Variants in LAIR1 observed in about 807,000 individuals in gnomAD.
LAIR1 encodes leukocyte associated immunoglobulin like receptor 1.
A neutral mutation model predicts 32.8 loss-of-function variants in LAIR1; 24 were observed. The ratio of observed to expected loss-of-function variants is 0.73; its 90% CI spans 0.53 to 1.03. The LOEUF is 1.03. Among genes scored for constraint, LAIR1 ranks in the 50% least tolerant of loss-of-function variants. The pLI, the probability that LAIR1 is intolerant of heterozygous loss-of-function variation, is 0.00. For missense variants in LAIR1, 355 were observed against 347.5 expected, an observed-to-expected ratio of 1.02 and a Z score of -0.17; for synonymous variants, 150 against 140.5, an observed-to-expected ratio of 1.07 and a Z score of -0.48.
chr19:54,361,402 T>A (rs1035042666), intron 2 of LAIR1, among the ~76,000 whole-genome samples, 193 bp from the exon 3 acceptor site: 1 of 151,260 alleles, frequency 6.6e-6, no homozygotes, highest in Non-Finnish European at 1.5e-5. Flanking sequence ...CACTGCAGAG[T>A]TTTTTCCCAG....
Position 54,355,485 on chromosome 19 carries a change from G to C in LAIR1, c.718-71C>G, listed in dbSNP as rs1416226074. 8 of 1,394,834 alleles carry C rather than the reference G, an allele frequency of 5.7e-6. No individual in the cohort carries two copies. The highest frequency in any genetic ancestry group is 7.7e-6 in the Non-Finnish European group (8 of 1,032,650). The allele number at this position is 1,394,834 out of a possible 1,614,324, so 86.4% of individuals were successfully genotyped here. A position where few individuals can be genotyped will look rare whatever the true frequency, so the allele number is the denominator to read the frequency against. On this transcript the variant is annotated intron_variant, in intron 9 of 9. Coordinates refer to ENST00000391742, the MANE Select transcript of LAIR1 (RefSeq NM_002287.6). The surrounding 1 kb of genome is among the most constrained non-coding windows in gnomAD (Gnocchi z 4.7). Reference sequence around the variant, plus strand: ...AGACGAGGGGCTGTGGGGAGGGAGGGCTGTGGCGGCCATCTCCATGGGCCC... The same window carrying C: ...AGACGAGGGGCTGTGGGGAGGGAGGCCTGTGGCGGCCATCTCCATGGGCCC...
At position 54,355,028 on chromosome 19, in the gene LAIR1, GA is replaced by G; in HGVS notation, c.*239del. 1 of 408,210 alleles carries G rather than the reference GA, an allele frequency of 2.4e-6. No individual in the cohort carries two copies. Among genetic ancestry groups the G allele is most frequent in the Non-Finnish European group, 4.3e-6 (1 of 230,574 alleles). The allele number at this position is 408,210 out of a possible 1,614,324, so 25.3% of individuals were successfully genotyped here. On this transcript the variant is annotated 3_prime_UTR_variant, in exon 10 of 10. Coordinates refer to ENST00000391742, the MANE Select transcript of LAIR1 (RefSeq NM_002287.6). This position sits in a 1 kb window ranked among gnomAD's most constrained non-coding sequence, Gnocchi z 4.7. ...CCAGGGAACTGTAGCTGGGTCTCTG[GA>G]AATAACTGAGAAACAGTCTGTCCAA...
rs1242276903 is a variant in LAIR1, at chr19:54,353,655, G to C, written c.*1613C>G. 1 of 152,172 alleles carries C rather than the reference G, an allele frequency of 6.6e-6. No individual in the cohort carries two copies. The highest frequency in any genetic ancestry group is 1.5e-5 in the Non-Finnish European group (1 of 68,028). 9.4% of individuals were successfully genotyped at this position (152,172 alleles called of 1,614,324 possible). ...TTGTAGGAGAATTTAATGTGTCCAC[G>C]TTTGCCTAGAACTAAATTAGCAACT... On this transcript the variant is annotated 3_prime_UTR_variant, in exon 10 of 10. Transcript: ENST00000391742.
At chr19:54,357,255 G>C (rs58343747) in intron 4 of LAIR1, 1 of 473,898 alleles carries the variant, frequency 2.1e-6, no homozygotes. Flanking sequence ...GTGACCCCAC[G>C]GGCCTGATGC....
intron 3 of LAIR1, 46 bp downstream of exon 3, chr19:54,360,870 C>T (rs1312976746): frequency 2.3e-5 from 37 of 1,575,112 alleles, no homozygotes; most frequent in Non-Finnish European, 3.1e-5. Flanking sequence ...GGGACAAGCT[C>T]GAGGGTCGAG....
upstream of LAIR1, among the ~76,000 whole-genome samples, chr19:54,366,972 C>A (rs1848577327): frequency 6.6e-6 from 1 of 152,116 alleles, no homozygotes; most frequent in Non-Finnish European, 1.5e-5. Context: ...AGTCCGTTTT[C>A]AGGGGAGGAA....
rs758156418 is a variant in LAIR1 at position 54,361,020 on chromosome 19, C to T, written c.260G>A (p.Arg87His). 45 of 1,614,018 alleles carry T rather than the reference C, an allele frequency of 2.8e-5. No individual in the cohort carries two copies. Among genetic ancestry groups the T allele is most frequent in the South Asian group, 2.2e-4 (20 of 91,078 alleles). The change falls in exon 3 of 10, where the codon CGC (arginine) becomes CAC (histidine). Residue 87 changes from arginine to histidine, a missense_variant. Arg to His is a conservative substitution (Grantham distance 29, BLOSUM62 0). Transcript: ENST00000391742. ...ATTTCCTTCTCTTACTGAGTCAATG[C>T]GGAATCTGGCCTCTGACTCAGATGG... ...ASPSESEARFRIDSVREGNAG... is the reference protein window; with the variant it reads ...ASPSESEARFHIDSVREGNAG...
upstream of LAIR1, among the ~76,000 whole-genome samples, chr19:54,367,004 C>T (rs544578532): frequency 1.6e-4 from 25 of 152,284 alleles, no homozygotes; most frequent in Admixed American, 1.2e-3. Context: ...TGCTGGGCAA[C>T]GACTTGCTGG....
At chr19:54,367,562 C>A (rs897206734), upstream of LAIR1, among the ~76,000 whole-genome samples, 1 of 151,314 alleles carries the variant, frequency 6.6e-6, no homozygotes, top group South Asian at 2.1e-4. Context: ...CTGGCTAACA[C>A]GGTGAAACCC....
intron 2 of LAIR1, among the ~76,000 whole-genome samples, chr19:54,362,855 C>T (rs1472770825): frequency 8.6e-5 from 13 of 151,782 alleles, no homozygotes; most frequent in Non-Finnish European, 1.3e-4. Context: ...CCATATTGAG[C>T]GGCATATGGA....
At chr19:54,357,137 T>G in intron 4 of LAIR1, 171 bp from the exon 5 acceptor site, 2 of 601,400 alleles carry the variant, frequency 3.3e-6, no homozygotes, top group Non-Finnish European at 6.0e-6. Context: ...GGAAACTTTC[T>G]ACATCTACTG....
chr19:54,361,992 A>G (rs1209047532), intron 2 of LAIR1, among the ~76,000 whole-genome samples: 1 of 151,308 alleles, frequency 6.6e-6, no homozygotes, highest in Admixed American at 6.6e-5. Context: ...CGGGGCAGAG[A>G]GCTGGCAGGG....
In LAIR1 at chr19:54,355,806, C is replaced by T. The variant is rs1474630999; in HGVS notation, c.717+148G>A. 1.5e-6 allele frequency: 1 copy of T among 656,288 alleles called. No homozygotes were observed. The highest frequency in any genetic ancestry group is 2.7e-6 in the Non-Finnish European group (1 of 363,672). 40.7% of individuals were successfully genotyped at this position (656,288 alleles called of 1,614,324 possible). A position where few individuals can be genotyped will look rare whatever the true frequency, so the allele number is the denominator to read the frequency against. ...CACGGGAGCCTTCGGATGCACACAG[C>T]CCTGGGCGACCTCTCGACAGCAACC... On this transcript the variant is annotated intron_variant, in intron 9 of 9. Transcript: ENST00000391742. This position sits in a 1 kb window ranked among gnomAD's most constrained non-coding sequence, Gnocchi z 4.7.
chr19:54,366,690 G>A (rs768175639), upstream of LAIR1, among the ~76,000 whole-genome samples: 41 of 151,964 alleles, frequency 2.7e-4, no homozygotes, highest in Non-Finnish European at 5.3e-4. Context: ...GGGTTTCACC[G>A]TGTTAGCCAG....
chr19:54,358,495 A>C, intron 4 of LAIR1: 1 of 1,558,308 alleles, frequency 6.4e-7, no homozygotes, highest in Non-Finnish European at 8.8e-7. Context: ...CTGTATATGC[A>C]TGTATGGGAA....
At chr19:54,371,007 C>A (rs974775629), upstream of LAIR1, among the ~76,000 whole-genome samples, 63 of 149,994 alleles carry the variant, frequency 4.2e-4, 4 homozygotes, top group African/African-American at 1.5e-3. Flanking sequence ...AAGACTTTAC[C>A]AGCACACTGC....
chr19:54,361,770 G>A (rs1466726972), intron 2 of LAIR1, among the ~76,000 whole-genome samples: 3 of 151,542 alleles, frequency 2.0e-5, no homozygotes, highest in Non-Finnish European at 4.4e-5. Flanking sequence ...GCCCGTGACA[G>A]GTCCCCATTG....
upstream of LAIR1, among the ~76,000 whole-genome samples, chr19:54,367,024 C>A (rs1019034527): frequency 6.6e-6 from 1 of 152,180 alleles, no homozygotes; most frequent in African/African-American, 2.4e-5. Context: ...GAGAAATTTG[C>A]ATAACTAAGA....
At chr19:54,356,646 G>A in intron 5 of LAIR1, 27 bp from the exon 6 acceptor site, 1 of 1,612,038 alleles carries the variant, frequency 6.2e-7, no homozygotes, top group East Asian at 2.2e-5. Flanking sequence ...CAGGATTTCA[G>A]CAGTGTGCAT....
Sources: allele counts gnomAD v4.1 joint callset (sites outside exome capture counted in the v4.1 genomes callset), GRCh38; gene constraint gnomAD v4.1.1; non-coding constraint Gnocchi (gnomAD v3.1); transcripts MANE v1.5; gene names NCBI Gene and HGNC (gene_info 2026-07-23, HGNC 2026-07-21).